DNAJC24: variants seen among roughly 807,000 people sequenced by gnomAD.
The protein encoded by DNAJC24 is DnaJ heat shock protein family (Hsp40) member C24, also known as dnaJ homolog subfamily C member 24.
In DNAJC24, 17 loss-of-function variants were observed where a neutral mutation model predicts 18.0. The observed-to-expected ratio is 0.94, with a 90% CI of 0.65 to 1.42. DNAJC24 has a LOEUF of 1.42. Ranked by LOEUF, DNAJC24 falls within the 40% of genes most tolerant of loss-of-function variation. The probability of loss-of-function intolerance (pLI) is 0.00; values close to 1 mark genes in which losing one functional copy is unlikely to be tolerated. For synonymous variants in DNAJC24, 55 were observed against 57.7 expected (o/e 0.95, Z 0.21); for missense variants, 158 against 175.6 (o/e 0.90, Z 0.57).
chr11:31,428,628 AG>A (rs1228763285), intron 4 of DNAJC24, among the ~76,000 whole-genome samples: 5 of 152,290 alleles, frequency 3.3e-5, no homozygotes, highest in Non-Finnish European at 5.9e-5. Context: ...GCCTGATCAA[AG>A]GGCAGTATGA....
intron 2 of DNAJC24, among the ~76,000 whole-genome samples, chr11:31,402,131 G>A (rs953692272): frequency 5.3e-5 from 8 of 152,136 alleles, no homozygotes; most frequent in Admixed American, 2.6e-4. Context: ...CTACACATTG[G>A]GCTTTGTGGT....
chr11:31,387,117 C>T (rs934951064), intron 2 of DNAJC24, among the ~76,000 whole-genome samples: 5 of 152,194 alleles, frequency 3.3e-5, no homozygotes, highest in African/African-American at 1.2e-4. Context: ...ACGATTCCAA[C>T]TCCGGGCCCT....
At position 31,374,450 on chromosome 11, in the gene DNAJC24, C is replaced by A. The variant is rs1291653410; in HGVS notation, c.111+3591C>A. Among the ~76,000 whole-genome samples, 3 of 133,794 alleles carry A rather than the reference C, an allele frequency of 2.2e-5. 1 individual carries two copies. Among genetic ancestry groups the A allele is most frequent in the East Asian group, 1.9e-4 (1 of 5,134 alleles). 87.8% of individuals were successfully genotyped at this position (133,794 alleles called of 152,430 possible). A position where few individuals can be genotyped will look rare whatever the true frequency, so the allele number is the denominator to read the frequency against. ...CTTCTCATCCCTAGGATAAACAAACCACTTATCATGAAGCATTATTATATT... is the reference window on the plus strand; with the variant it reads ...CTTCTCATCCCTAGGATAAACAAACAACTTATCATGAAGCATTATTATATT... On this transcript the variant is annotated intron_variant, in intron 2 of 4. Transcript: ENST00000465995.
intron 2 of DNAJC24, chr11:31,408,315 C>G (rs1397640764): frequency 7.5e-6 from 3 of 398,998 alleles, no homozygotes; most frequent in Non-Finnish European, 9.9e-6. Flanking sequence ...TGGAGTCCTC[C>G]CTCTGAAGAT....
chr11:31,399,562 C>T (rs1173236026), intron 2 of DNAJC24, among the ~76,000 whole-genome samples: 5 of 151,636 alleles, frequency 3.3e-5, no homozygotes, highest in Admixed American at 6.6e-5. Context: ...TACAGGCGCA[C>T]GCCATCACGC....
chr11:31,411,125 T>G (rs1290360533), intron 2 of DNAJC24, among the ~76,000 whole-genome samples: 1 of 152,040 alleles, frequency 6.6e-6, no homozygotes, highest in Non-Finnish European at 1.5e-5. Context: ...TCATAATGAG[T>G]CGACCTCCCA....
At chr11:31,389,577 C>G (rs1306658617) in intron 2 of DNAJC24, among the ~76,000 whole-genome samples, 1 of 152,124 alleles carries the variant, frequency 6.6e-6, no homozygotes, top group African/African-American at 2.4e-5. Context: ...ACTTCAACAT[C>G]CCACTTTCAT....
intron 2 of DNAJC24, among the ~76,000 whole-genome samples, chr11:31,405,526 G>A (rs1952648913): frequency 6.6e-6 from 1 of 152,052 alleles, no homozygotes; most frequent in African/African-American, 2.4e-5. Flanking sequence ...CACCCAGGCT[G>A]GAGTATAGTG....
intron 2 of DNAJC24, among the ~76,000 whole-genome samples, chr11:31,410,605 C>G (rs1294692669): frequency 6.6e-6 from 1 of 152,182 alleles, no homozygotes; most frequent in Non-Finnish European, 1.5e-5. Flanking sequence ...CACTGTGTGC[C>G]TACCCTAAGA....
In DNAJC24 at chr11:31,432,483, A is replaced by C; in HGVS notation, c.*2082A>C. Reference sequence around the variant, plus strand: ...ATGAAAAGGAGACAATAATCAAGTCAAAAGAATAAATGCTTACTAATCATC... The same window carrying C: ...ATGAAAAGGAGACAATAATCAAGTCCAAAGAATAAATGCTTACTAATCATC... On this transcript the variant is annotated 3_prime_UTR_variant, in exon 5 of 5. Transcript: ENST00000465995. 1 of 1,586,992 alleles carries C rather than the reference A, an allele frequency of 6.3e-7. No individual in the cohort carries two copies.
chr11:31,390,220 AC>A (rs1236152573), intron 2 of DNAJC24, among the ~76,000 whole-genome samples: 1 of 152,034 alleles, frequency 6.6e-6, no homozygotes, highest in Non-Finnish European at 1.5e-5. Flanking sequence ...ACATGGCGGA[AC>A]CCTGTCTCTA....
chr11:31,373,941 CTT>C (rs1952289459), intron 2 of DNAJC24, among the ~76,000 whole-genome samples: 1 of 135,276 alleles, frequency 7.4e-6, no homozygotes, highest in Non-Finnish European at 1.7e-5. Flanking sequence ...ATACTGGTCT[CTT>C]ATCCTACAAT....
At chr11:31,389,374 A>G (rs1287041906) in intron 2 of DNAJC24, among the ~76,000 whole-genome samples, 2 of 152,232 alleles carry the variant, frequency 1.3e-5, no homozygotes, top group Non-Finnish European at 2.9e-5. Context: ...CTTATATCAA[A>G]CAAAATAGAT....
Position 31,431,058 on chromosome 11 carries a change from C to G in DNAJC24, c.*657C>G, listed in dbSNP as rs142125867. The G allele has an allele frequency of 6.6e-6, 1 of 152,092 alleles. No individual in the cohort carries two copies. The highest frequency in any genetic ancestry group is 2.4e-5 in the African/African-American group (1 of 41,394). The allele number at this position is 152,092 out of a possible 1,614,324, so 9.4% of individuals were successfully genotyped here. A position where few individuals can be genotyped will look rare whatever the true frequency, so the allele number is the denominator to read the frequency against. On this transcript the variant is annotated 3_prime_UTR_variant, in exon 5 of 5. Coordinates refer to ENST00000465995, the MANE Select transcript of DNAJC24 (RefSeq NM_181706.5). Reference sequence around the variant, plus strand: ...TTTCTAAGACAGAGTCTCACTCTGTCGCGCCAGCTGGAGTGCAGTGCCATG... The same window carrying G: ...TTTCTAAGACAGAGTCTCACTCTGTGGCGCCAGCTGGAGTGCAGTGCCATG...
At chr11:31,397,481 T>A (rs1952553439) in intron 2 of DNAJC24, among the ~76,000 whole-genome samples, 1 of 57,160 alleles carries the variant, frequency 1.7e-5, no homozygotes, top group African/African-American at 9.2e-5. Flanking sequence ...TTTGTGATTT[T>A]TTTTTTTTTT....
intron 2 of DNAJC24, among the ~76,000 whole-genome samples, chr11:31,394,545 T>A (rs1029357905): frequency 6.6e-6 from 1 of 152,082 alleles, no homozygotes; most frequent in Non-Finnish European, 1.5e-5. Context: ...ATGCAGATGT[T>A]TGATATTTAT....
chr11:31,432,648 C>T lies in DNAJC24; in HGVS notation c.*2247C>T. 1.1e-6 allele frequency: 1 copy of T among 938,254 alleles called. No homozygotes were observed. The highest frequency in any genetic ancestry group is 1.4e-5 in the South Asian group (1 of 73,552). 58.1% of individuals were successfully genotyped at this position (938,254 alleles called of 1,614,324 possible). On this transcript the variant is annotated 3_prime_UTR_variant, in exon 5 of 5. Coordinates refer to ENST00000465995, the MANE Select transcript of DNAJC24 (RefSeq NM_181706.5). Reference sequence around the variant, plus strand: ...ATCATATTCCCTTTTGCTATCTGTCCCTTTTCTCTATGCCAGATAAACACT... The same window carrying T: ...ATCATATTCCCTTTTGCTATCTGTCTCTTTTCTCTATGCCAGATAAACACT...
intron 2 of DNAJC24, among the ~76,000 whole-genome samples, chr11:31,412,775 T>C (rs575787891): frequency 1.2e-4 from 18 of 152,268 alleles, no homozygotes; most frequent in South Asian, 2.1e-4. Flanking sequence ...CTAATCCTCA[T>C]TGTTTGCCGT....
rs188790862 is a variant in DNAJC24 at position 31,374,376 on chromosome 11, T to A, written c.111+3517T>A. On this transcript the variant is annotated intron_variant, in intron 2 of 4. Transcript: ENST00000465995. ...TTTGCATTTATTGATTTTTCTCATTTAATTTGTTAATGTGGTGAATCACGT... is the reference window on the plus strand; with the variant it reads ...TTTGCATTTATTGATTTTTCTCATTAAATTTGTTAATGTGGTGAATCACGT... 8.3e-3 allele frequency among the ~76,000 whole-genome samples: 1,109 copies of A among 133,712 alleles called. 251 individuals are homozygous for A. Among genetic ancestry groups the A allele is most frequent in the Non-Finnish European group, 0.013 (741 of 57,980 alleles). 87.7% of individuals were successfully genotyped at this position (133,712 alleles called of 152,430 possible).
Sources: allele counts gnomAD v4.1 joint callset (sites outside exome capture counted in the v4.1 genomes callset), GRCh38; gene constraint gnomAD v4.1.1; transcripts MANE v1.5; gene names NCBI Gene and HGNC (gene_info 2026-07-23, HGNC 2026-07-21).